The following USP34 variants were observed in gnomAD, a reference collection of about 807,000 sequenced individuals.
USP34 encodes the protein ubiquitin carboxyl-terminal hydrolase 34.
Under a neutral mutation model 460.3 loss-of-function variants are expected in USP34, and 70 were observed. That is an observed-to-expected ratio of 0.15 (90% CI 0.13 to 0.19). The LOEUF (loss-of-function observed/expected upper bound fraction) is 0.19, where lower values mean the gene tolerates loss of function less well. Ranked by LOEUF, USP34 falls within the 10% of genes least tolerant of loss-of-function variation. USP34 has a pLI of 1.00. For synonymous variants in USP34, 1,647 were observed against 1,405.3 expected (o/e 1.17, Z -3.85); for missense variants, 3,985 against 4,236.2 (o/e 0.94, Z 1.65).
chr2:61,222,482 T>G, intron 65 of USP34, 137 bp downstream of exon 65: 1 of 643,494 alleles, frequency 1.6e-6, no homozygotes, highest in Non-Finnish European at 2.7e-6. Flanking sequence ...TTATTCACAT[T>G]ATACACTTAA....
At chr2:61,285,047 T>G (rs559545669) in intron 34 of USP34, 90 bp from the exon 35 acceptor site, 2 of 981,328 alleles carry the variant, frequency 2.0e-6, no homozygotes, top group East Asian at 5.3e-5. Context: ...TAAAGAGATG[T>G]GTATTACAAA....
chr2:61,433,985 A>C (rs1189140793), intron 1 of USP34, among the ~76,000 whole-genome samples: 1 of 152,044 alleles, frequency 6.6e-6, no homozygotes, highest in Non-Finnish European at 1.5e-5. Context: ...CAACCAGACC[A>C]CACTTCAAGC....
At chr2:61,439,890 G>A (rs1694917258) in intron 1 of USP34, among the ~76,000 whole-genome samples, 1 of 152,152 alleles carries the variant, frequency 6.6e-6, no homozygotes, top group South Asian at 2.1e-4. Context: ...GTGGATGGCT[G>A]CACTGTGCCA....
chr2:61,392,632 G>A (rs748632599), intron 5 of USP34, among the ~76,000 whole-genome samples: 30 of 151,860 alleles, frequency 2.0e-4, no homozygotes, highest in Admixed American at 1.6e-3. Context: ...TCAAAAAAAC[G>A]GATAAAGTAA....
chr2:61,460,781 G>A (rs767920804), intron 1 of USP34, among the ~76,000 whole-genome samples: 6 of 151,918 alleles, frequency 3.9e-5, no homozygotes, highest in Non-Finnish European at 5.9e-5. Flanking sequence ...TCAGGAGATC[G>A]AGACCATCCT....
intron 12 of USP34, among the ~76,000 whole-genome samples, chr2:61,349,844 AAACAACAAC>A (rs143680445): frequency 3.4e-5 from 5 of 148,834 alleles, no homozygotes; most frequent in Admixed American, 6.6e-5. Context: ...CCGTCTCAAA[AAACAACAAC>A]AACAACAACA....
intron 8 of USP34, among the ~76,000 whole-genome samples, chr2:61,377,053 G>A (rs1347431267): frequency 6.6e-6 from 1 of 152,148 alleles, no homozygotes; most frequent in Non-Finnish European, 1.5e-5. Context: ...AAAATTCTAG[G>A]CAACACACTT....
At chr2:61,394,164 T>C (rs1234108476) in intron 5 of USP34, among the ~76,000 whole-genome samples, 1 of 152,132 alleles carries the variant, frequency 6.6e-6, no homozygotes, top group Non-Finnish European at 1.5e-5. Context: ...TCCACTGTGC[T>C]TCACAGTGAA....
At chr2:61,469,279 A>T (rs1336950988) in intron 1 of USP34, among the ~76,000 whole-genome samples, 6 of 152,234 alleles carry the variant, frequency 3.9e-5, no homozygotes, top group African/African-American at 1.4e-4. Flanking sequence ...TTGCAAAACG[A>T]TTAACTTTCC....
intron 41 of USP34, among the ~76,000 whole-genome samples, chr2:61,276,425 G>C (rs1689374279): frequency 6.6e-6 from 1 of 151,870 alleles, no homozygotes; most frequent in African/African-American, 2.4e-5. Context: ...ATTTTTTAGT[G>C]AAAATCGATC....
At chr2:61,243,587 C>T (rs1238738822) in intron 51 of USP34, among the ~76,000 whole-genome samples, 1 of 138,328 alleles carries the variant, frequency 7.2e-6, no homozygotes, top group Non-Finnish European at 1.5e-5. Context: ...TAAAAGGAAA[C>T]ATTCGGCTGA....
At position 61,314,927 on chromosome 2, in the gene USP34, A is replaced by G. The variant is rs1366997798; in HGVS notation, c.3330T>C (p.Ser1110=). ...GGATAGCTGCTCGACTGACATCACC[A>G]GATTGTGCTCTTAAAGCAATGCCCC... is the stretch of plus-strand genomic sequence containing the variant. ...QFWGIALRAQ[S]GDVSRAAIQY... Residue 1110 remains serine, a synonymous_variant, in exon 24 of 80, where the codon TCT becomes TCC. Coordinates refer to ENST00000398571, the MANE Select transcript of USP34 (RefSeq NM_014709.4). 2 of 1,613,834 alleles carry G rather than the reference A, an allele frequency of 1.2e-6. No individual in the cohort carries two copies. The highest frequency in any genetic ancestry group is 3.3e-5 in the Admixed American group (2 of 59,966).
At chr2:61,392,431 C>T (rs1008825790) in intron 5 of USP34, among the ~76,000 whole-genome samples, 1 of 152,108 alleles carries the variant, frequency 6.6e-6, no homozygotes, top group Non-Finnish European at 1.5e-5. Context: ...CGAGACCAGC[C>T]TGGACAACAT....
intron 39 of USP34, among the ~76,000 whole-genome samples, chr2:61,279,196 CTCAAATGAAA>C (rs1689462605): frequency 6.6e-6 from 1 of 151,380 alleles, no homozygotes; most frequent in African/African-American, 2.4e-5. Context: ...GTAATTATTT[CTCAAATGAAA>C]AGTAGATTTT....
At chr2:61,375,933 A>G (rs1046493968) in intron 8 of USP34, among the ~76,000 whole-genome samples, 1 of 152,144 alleles carries the variant, frequency 6.6e-6, no homozygotes, top group Admixed American at 6.6e-5. Context: ...CAAACGAACA[A>G]GAGTATACTA....
intron 39 of USP34, among the ~76,000 whole-genome samples, 184 bp downstream of exon 39, chr2:61,280,060 G>A (rs1375706370): frequency 1.3e-5 from 2 of 152,290 alleles, no homozygotes; most frequent in African/African-American, 2.4e-5. Flanking sequence ...ACTAAGGTCT[G>A]AGTAAAAACA....
At chr2:61,230,238 A>G (rs1687852988) in intron 58 of USP34, among the ~76,000 whole-genome samples, 1 of 152,196 alleles carries the variant, frequency 6.6e-6, no homozygotes, top group Admixed American at 6.5e-5. Context: ...CTATAAAAAA[A>G]CAGTTTACCA....
intron 18 of USP34, among the ~76,000 whole-genome samples, chr2:61,335,624 C>G (rs1691393397): frequency 6.6e-6 from 1 of 152,154 alleles, no homozygotes; most frequent in Non-Finnish European, 1.5e-5. Context: ...TGGCACATGC[C>G]TGTAGTCCCA....
chr2:61,256,788 A>C (rs1210644769), intron 47 of USP34, 85 bp downstream of exon 47: 10 of 1,051,738 alleles, frequency 9.5e-6, no homozygotes, highest in Non-Finnish European at 1.3e-5. Flanking sequence ...AAAAAGTTTA[A>C]AAATATCAAG....
Sources: gnomAD v4.1 joint callset for allele counts (sites outside exome capture counted in the v4.1 genomes callset) on GRCh38, gnomAD v4.1.1 for gene constraint, MANE v1.5 for transcripts, NCBI Gene and HGNC (gene_info 2026-07-23, HGNC 2026-07-21) for gene names.